ULK4: variants seen among roughly 807,000 people sequenced by gnomAD.
ULK4 encodes the protein inactive serine/threonine-protein kinase ULK4.
In ULK4, 133 loss-of-function variants were observed where a neutral mutation model predicts 160.6. The ratio of observed to expected loss-of-function variants is 0.83; its 90% CI spans 0.72 to 0.96. The LOEUF is 0.96. Ranked by LOEUF, ULK4 falls within the 40% of genes least tolerant of loss-of-function variation. The pLI is 0.00. For synonymous variants in ULK4, 534 were observed against 539.8 expected (o/e 0.99, Z 0.15); for missense variants, 1,580 against 1,499.5 (o/e 1.05, Z -0.89).
intron 31 of ULK4, among the ~76,000 whole-genome samples, chr3:41,568,015 C>G (rs2087844630): frequency 2.0e-5 from 3 of 152,132 alleles, no homozygotes. Context: ...CAAGTGGCAC[C>G]AGTTTTCCAC....
intron 35 of ULK4, among the ~76,000 whole-genome samples, chr3:41,296,358 T>C (rs149405091): frequency 1.4e-4 from 22 of 152,042 alleles, no homozygotes; most frequent in African/African-American, 5.3e-4. Flanking sequence ...AAGAGAAGGG[T>C]TGGAAGTAGA....
chr3:41,393,848 G>A (rs573604070), intron 35 of ULK4, among the ~76,000 whole-genome samples: 3 of 152,286 alleles, frequency 2.0e-5, no homozygotes, highest in East Asian at 1.9e-4. Flanking sequence ...CAGCAGCCTG[G>A]AGCCAGCTAC....
intron 32 of ULK4, among the ~76,000 whole-genome samples, chr3:41,472,097 A>G (rs2084009494): frequency 6.6e-6 from 1 of 151,822 alleles, no homozygotes; most frequent in Non-Finnish European, 1.5e-5. Flanking sequence ...TTAGACTAAG[A>G]AAAAAAAGAG....
chr3:41,483,292 T>C (rs2084392445), intron 32 of ULK4, among the ~76,000 whole-genome samples: 1 of 152,188 alleles, frequency 6.6e-6, no homozygotes, highest in Non-Finnish European at 1.5e-5. Context: ...TTATTTTATT[T>C]ACCTCCATCT....
At chr3:41,535,919 TCTGAA>T (rs1441415684) in intron 32 of ULK4, among the ~76,000 whole-genome samples, 1 of 152,144 alleles carries the variant, frequency 6.6e-6, no homozygotes, top group African/African-American at 2.4e-5. Context: ...AGATTCACAG[TCTGAA>T]CATCCTCCTT....
intron 7 of ULK4, 96 bp downstream of exon 7, chr3:41,918,361 G>A: frequency 2.8e-6 from 2 of 713,028 alleles, no homozygotes; most frequent in Non-Finnish European, 4.5e-6. Context: ...GATAACTTTG[G>A]GGAGTTATGA....
intron 34 of ULK4, among the ~76,000 whole-genome samples, chr3:41,405,955 G>A (rs2082285524): frequency 6.6e-6 from 1 of 151,930 alleles, no homozygotes; most frequent in South Asian, 2.1e-4. Flanking sequence ...TTGCTGTACT[G>A]AAGCTCTTTA....
At chr3:41,642,994 G>C (rs988323066) in intron 30 of ULK4, among the ~76,000 whole-genome samples, 2 of 152,154 alleles carry the variant, frequency 1.3e-5, no homozygotes, top group Admixed American at 1.3e-4. Flanking sequence ...GTCTCCTTTT[G>C]AGAAGTGTCT....
chr3:41,769,663 T>A (rs1376874395), intron 21 of ULK4, among the ~76,000 whole-genome samples: 5 of 151,988 alleles, frequency 3.3e-5, no homozygotes, highest in African/African-American at 9.7e-5. Flanking sequence ...GATGGTATAA[T>A]GAAATATTTA....
chr3:41,635,491 T>G (rs149120639), intron 30 of ULK4, among the ~76,000 whole-genome samples: 1 of 152,220 alleles, frequency 6.6e-6, no homozygotes, highest in East Asian at 1.9e-4. Flanking sequence ...AATAGAAAAG[T>G]ATTACAAATA....
chr3:41,942,305 G>A (rs989178825), intron 2 of ULK4, among the ~76,000 whole-genome samples: 2 of 152,236 alleles, frequency 1.3e-5, no homozygotes, highest in Non-Finnish European at 2.9e-5. Flanking sequence ...TATGACTTGA[G>A]GTCAGAAGTT....
chr3:41,333,148 G>C (rs754732493), intron 35 of ULK4, among the ~76,000 whole-genome samples: 3 of 152,198 alleles, frequency 2.0e-5, no homozygotes, highest in Non-Finnish European at 2.9e-5. Context: ...ATCATCTACA[G>C]GTATTTCAGA....
intron 35 of ULK4, among the ~76,000 whole-genome samples, chr3:41,328,208 C>CA (rs2080373282): frequency 6.6e-6 from 1 of 152,112 alleles, no homozygotes; most frequent in Non-Finnish European, 1.5e-5. Flanking sequence ...GCAGCATGTG[C>CA]AAAAAGACAA....
At chr3:41,934,770 C>A (rs372792250) in intron 4 of ULK4, among the ~76,000 whole-genome samples, 167 of 152,048 alleles carry the variant, frequency 1.1e-3, no homozygotes, top group African/African-American at 3.9e-3. Context: ...ATATTTGATC[C>A]ATAATATCAG....
intron 35 of ULK4, among the ~76,000 whole-genome samples, chr3:41,338,691 CAG>C (rs1338642629): frequency 6.6e-6 from 1 of 151,844 alleles, no homozygotes; most frequent in East Asian, 1.9e-4. Flanking sequence ...TAGGGTTCTC[CAG>C]AGAAAACTAG....
At chr3:41,572,765 CAAAA>C (rs34025379) in intron 31 of ULK4, among the ~76,000 whole-genome samples, 3 of 81,336 alleles carry the variant, frequency 3.7e-5, no homozygotes, top group African/African-American at 7.4e-5. Flanking sequence ...GATTCCATCT[CAAAA>C]AAAAAAAAAA....
Position 41,539,516 on chromosome 3 carries a change from T to TATA in ULK4, c.3226+26506_3226+26508dup, listed in dbSNP as rs1294811269. On this transcript the variant is annotated intron_variant, in intron 32 of 36. Transcript: ENST00000301831. Reference sequence around the variant, plus strand: ...CATTTGTGTGGTTTCTACTTCACTCTATAAAATCTAGAATGTGTCCAGGTT... The same window carrying TATA: ...CATTTGTGTGGTTTCTACTTCACTCTATAATAAAATCTAGAATGTGTCCAGGTT... 9.5e-5 allele frequency among the ~76,000 whole-genome samples: 14 copies of TATA among 147,992 alleles called. No homozygotes were observed. The East Asian group carries it at 2.8e-3, about 29-fold the overall frequency.
At chr3:41,705,481 A>C (rs1179436588) in intron 25 of ULK4, among the ~76,000 whole-genome samples, 176 bp from the exon 26 acceptor site, 1 of 152,066 alleles carries the variant, frequency 6.6e-6, no homozygotes, top group Non-Finnish European at 1.5e-5. Context: ...AATAATATAC[A>C]TAAAGTCTAA....
At chr3:41,559,333 C>T (rs2087464340) in intron 32 of ULK4, among the ~76,000 whole-genome samples, 1 of 138,474 alleles carries the variant, frequency 7.2e-6, no homozygotes, top group Admixed American at 7.7e-5. Context: ...CTGCAATAAA[C>T]ATACGTGTGC....
Sources: gnomAD v4.1 joint callset for allele counts (sites outside exome capture counted in the v4.1 genomes callset) on GRCh38, gnomAD v4.1.1 for gene constraint, MANE v1.5 for transcripts, NCBI Gene and HGNC (gene_info 2026-07-23, HGNC 2026-07-21) for gene names.